The following PTPRG variants were observed in gnomAD, a reference collection of about 807,000 sequenced individuals.
PTPRG encodes receptor-type tyrosine-protein phosphatase gamma.
PTPRG carries 102 observed loss-of-function variants against 165.3 expected under a neutral mutation model. The observed-to-expected ratio is 0.62, with a 90% CI of 0.53 to 0.73. PTPRG has a LOEUF of 0.73. Among genes scored for constraint, PTPRG ranks in the 30% least tolerant of loss-of-function variants. The pLI, the probability that PTPRG is intolerant of heterozygous loss-of-function variation, is 0.00. For synonymous variants in PTPRG, 675 were observed against 669.5 expected (o/e 1.01, Z -0.13); for missense variants, 1,866 against 1,861.4 (o/e 1.00, Z -0.05).
intron 4 of PTPRG, among the ~76,000 whole-genome samples, chr3:62,064,264 C>T (rs1276167051): frequency 6.6e-6 from 1 of 152,172 alleles, no homozygotes; most frequent in Non-Finnish European, 1.5e-5. Flanking sequence ...GCTGTTTTTC[C>T]AGACGTGAGC....
In PTPRG at chr3:62,221,464, T is replaced by C. The variant is rs368280085; in HGVS notation, c.2288+2481T>C. 1.5e-3 allele frequency among the ~76,000 whole-genome samples: 226 copies of C among 152,352 alleles called. 2 individuals carry two copies. The highest frequency in any genetic ancestry group is 5.1e-3 in the African/African-American group (210 of 41,582). On this transcript the variant is annotated intron_variant, in intron 13 of 29. Transcript: ENST00000474889. ...CTAGAGGGGACAAGGACCTTTTTTC[T>C]GTCCAACTTTTAAAAAATTATTATT...
At chr3:62,008,735 A>G (rs549326438) in intron 4 of PTPRG, among the ~76,000 whole-genome samples, 1 of 152,328 alleles carries the variant, frequency 6.6e-6, no homozygotes, top group South Asian at 2.1e-4. Flanking sequence ...ATCATCAGGC[A>G]TTAGTTGGAT....
chr3:61,635,931 C>A (rs1701896429), intron 1 of PTPRG, among the ~76,000 whole-genome samples: 1 of 152,228 alleles, frequency 6.6e-6, no homozygotes, highest in South Asian at 2.1e-4. Flanking sequence ...TTTTATTTTC[C>A]AAATCCCAAG....
At chr3:62,059,472 A>G (rs1700734931) in intron 4 of PTPRG, among the ~76,000 whole-genome samples, 1 of 152,244 alleles carries the variant, frequency 6.6e-6, no homozygotes, top group Non-Finnish European at 1.5e-5. Context: ...GAGACCTGGT[A>G]TGAAAGACAT....
chr3:62,249,115 C>T (rs1470399602), intron 15 of PTPRG, among the ~76,000 whole-genome samples: 1 of 152,052 alleles, frequency 6.6e-6, no homozygotes, highest in African/African-American at 2.4e-5. Flanking sequence ...TAAAATGTTC[C>T]AACCTCCACA....
At chr3:61,738,971 C>CTTTTTTTTTTTTTTTT (rs1174097640) in intron 1 of PTPRG, among the ~76,000 whole-genome samples, 14 of 43,682 alleles carry the variant, frequency 3.2e-4, no homozygotes, top group African/African-American at 5.3e-4. Context: ...TGCTCTGTTG[C>CTTTTTTTTTTTTTTTT]TTTTTTTTTT....
intron 1 of PTPRG, among the ~76,000 whole-genome samples, chr3:61,601,588 A>G (rs1700870142): frequency 6.6e-6 from 1 of 152,260 alleles, no homozygotes; most frequent in African/African-American, 2.4e-5. Flanking sequence ...AGTCTCTTCC[A>G]TAAGAGTTCT....
chr3:61,912,484 T>C (rs1332449485), intron 2 of PTPRG, among the ~76,000 whole-genome samples: 4 of 152,210 alleles, frequency 2.6e-5, no homozygotes, highest in African/African-American at 9.7e-5. Flanking sequence ...CACTTATGTA[T>C]GACTTAATTA....
chr3:62,140,363 C>G (rs1469611371), intron 6 of PTPRG, among the ~76,000 whole-genome samples: 3 of 152,198 alleles, frequency 2.0e-5, no homozygotes, highest in East Asian at 3.8e-4. Context: ...GCCTAAATGT[C>G]CATCAGTGGG....
chr3:61,572,810 C>T (rs1700087228), intron 1 of PTPRG, among the ~76,000 whole-genome samples: 1 of 152,196 alleles, frequency 6.6e-6, no homozygotes, highest in African/African-American at 2.4e-5. Flanking sequence ...GGGGCACACA[C>T]CTGTCCCGTA....
intron 4 of PTPRG, among the ~76,000 whole-genome samples, chr3:62,044,893 T>G (rs1700241175): frequency 6.6e-6 from 1 of 152,174 alleles, no homozygotes; most frequent in South Asian, 2.1e-4. Context: ...ATGTATGTCC[T>G]GGAAACTTGG....
chr3:61,977,293 A>G (rs1186238870), intron 2 of PTPRG, among the ~76,000 whole-genome samples: 2 of 151,834 alleles, frequency 1.3e-5, no homozygotes, highest in East Asian at 1.9e-4. Flanking sequence ...CTATGATGTG[A>G]TAAAACCTCA....
At chr3:61,875,316 GGCCCTGGT>G in intron 2 of PTPRG, among the ~76,000 whole-genome samples, 1 of 152,110 alleles carries the variant, frequency 6.6e-6, no homozygotes, top group East Asian at 1.9e-4. Flanking sequence ...GTTTCAGGAG[GGCCCTGGT>G]GCTGCCTGGG....
intron 4 of PTPRG, among the ~76,000 whole-genome samples, chr3:62,052,282 G>T (rs1047211775): frequency 6.6e-6 from 1 of 152,090 alleles, no homozygotes; most frequent in African/African-American, 2.4e-5. Context: ...TGAATATATT[G>T]TGTTAGTACA....
intron 2 of PTPRG, among the ~76,000 whole-genome samples, chr3:61,826,974 G>T (rs149141262): frequency 6.6e-6 from 1 of 151,876 alleles, no homozygotes; most frequent in Non-Finnish European, 1.5e-5. Context: ...TACTTATCCC[G>T]CCCTCTTCTA....
chr3:61,832,856 C>G (rs947912029), intron 2 of PTPRG, among the ~76,000 whole-genome samples: 4 of 152,102 alleles, frequency 2.6e-5, no homozygotes, highest in Non-Finnish European at 5.9e-5. Flanking sequence ...TCGTCCTCTT[C>G]CCACCCTTTC....
intron 1 of PTPRG, among the ~76,000 whole-genome samples, chr3:61,614,587 G>C (rs529002268): frequency 2.6e-5 from 4 of 151,708 alleles, no homozygotes; most frequent in South Asian, 2.1e-4. Context: ...TTTTTTTGGT[G>C]TATTTTATGA....
intron 3 of PTPRG, among the ~76,000 whole-genome samples, chr3:62,000,800 C>T (rs931418608): frequency 6.6e-6 from 1 of 152,144 alleles, no homozygotes; most frequent in African/African-American, 2.4e-5. Context: ...GGAGCTCCAC[C>T]CTTGATTCTA....
At chr3:61,745,137 G>A (rs930480490) in intron 1 of PTPRG, among the ~76,000 whole-genome samples, 7 of 140,282 alleles carry the variant, frequency 5.0e-5, no homozygotes, top group African/African-American at 1.3e-4. Context: ...TGCAAGCTCC[G>A]CCTCCTGGGT....
Sources: gnomAD v4.1 joint callset for allele counts (sites outside exome capture counted in the v4.1 genomes callset) on GRCh38, gnomAD v4.1.1 for gene constraint, MANE v1.5 for transcripts, NCBI Gene and HGNC (gene_info 2026-07-23, HGNC 2026-07-21) for gene names.